LSM14A: variants seen among roughly 807,000 people sequenced by gnomAD.
LSM14A encodes protein LSM14 homolog A.
A neutral mutation model predicts 52.4 loss-of-function variants in LSM14A; 14 were observed. The observed-to-expected ratio is 0.27, with a 90% CI of 0.18 to 0.42. The LOEUF (loss-of-function observed/expected upper bound fraction) is 0.42, where lower values mean the gene tolerates loss of function less well. Ranked by LOEUF, LSM14A falls within the 10% of genes least tolerant of loss-of-function variation. LSM14A has a pLI of 1.00. For missense variants in LSM14A, 417 were observed against 581.8 expected (o/e 0.72, Z 2.91); for synonymous variants, 185 against 200.3 (o/e 0.92, Z 0.64).
At chr19:34,174,767 G>T (rs1028832472) in intron 1 of LSM14A, among the ~76,000 whole-genome samples, 1 of 152,076 alleles carries the variant, frequency 6.6e-6, no homozygotes, top group Admixed American at 6.6e-5. Context: ...AGCCAGATAT[G>T]GGTTGAAAAT....
Position 34,196,782 on chromosome 19 carries a change from T to G in LSM14A, c.415+19T>G. ...GGTGTTGGTATGTTTTCTTTTTCTT[T>G]TCTTTTTTTGTTTTTGTATTCTTCC... On this transcript the variant is annotated intron_variant, in intron 3 of 9. Transcript: ENST00000544216. 5 of 1,583,314 alleles carry G rather than the reference T, an allele frequency of 3.2e-6. No individual in the cohort carries two copies. The highest frequency in any genetic ancestry group is 4.3e-6 in the Non-Finnish European group (5 of 1,172,142).
chr19:34,210,722 A>G (rs1367868081), intron 4 of LSM14A, among the ~76,000 whole-genome samples: 1 of 151,642 alleles, frequency 6.6e-6, no homozygotes, highest in Non-Finnish European at 1.5e-5. Flanking sequence ...CAATTAGCTG[A>G]GATCACAAGC....
chr19:34,210,338 C>T lies in LSM14A; in HGVS notation c.538+1287C>T, dbSNP rs779231835. ...AGACTGGAGTGCAGTGGCACAATCTCGGCTCACTGCAACCTCCACCTCCCA... is the reference window on the plus strand; with the variant it reads ...AGACTGGAGTGCAGTGGCACAATCTTGGCTCACTGCAACCTCCACCTCCCA... On this transcript the variant is annotated intron_variant, in intron 4 of 9. Coordinates refer to ENST00000544216, the MANE Select transcript of LSM14A (RefSeq NM_015578.4). Among the ~76,000 whole-genome samples the T allele has an allele frequency of 3.3e-5, 5 of 150,572 alleles. No individual in the cohort carries two copies. The South Asian group carries it at 6.3e-4, about 19-fold the overall frequency.
chr19:34,197,108 T>A (rs1227050804), intron 3 of LSM14A, among the ~76,000 whole-genome samples: 2 of 152,112 alleles, frequency 1.3e-5, no homozygotes, highest in African/African-American at 4.8e-5. Flanking sequence ...TTGTTTTTTT[T>A]AAAGACAAAG....
intron 2 of LSM14A, among the ~76,000 whole-genome samples, chr19:34,195,482 A>G (rs564386985): frequency 4.6e-5 from 7 of 152,234 alleles, no homozygotes; most frequent in African/African-American, 1.7e-4. Flanking sequence ...CTGGCCTGCA[A>G]TGTTATATAA....
Position 34,215,296 on chromosome 19 carries a change from G to A in LSM14A, c.711G>A (p.Arg237=), listed in dbSNP as rs138472295. 8 of 1,610,560 alleles carry A rather than the reference G, an allele frequency of 5.0e-6. No homozygotes were observed. Among genetic ancestry groups the A allele is most frequent in the South Asian group, 3.3e-5 (3 of 90,490 alleles). The change falls in exon 5 of 10, where the codon AGG becomes AGA. Residue 237 remains arginine, a synonymous_variant. Transcript: ENST00000544216. Reference sequence around the variant, plus strand: ...AGGCAGGAGAGAATCAGGAGCACAGGCGAGGTAGAACTTTAGCTGTTTACT... The same window carrying A: ...AGGCAGGAGAGAATCAGGAGCACAGACGAGGTAGAACTTTAGCTGTTTACT... ...SQKAGENQEH[R]RAEVHKVSRP...
At chr19:34,224,658 A>T (rs545418836) in intron 9 of LSM14A, among the ~76,000 whole-genome samples, 1 of 152,110 alleles carries the variant, frequency 6.6e-6, no homozygotes, top group Admixed American at 6.6e-5. Context: ...TTGTGTGAGG[A>T]TCCCACTTGA....
chr19:34,172,904 C>T (rs1012624799), intron 1 of LSM14A, 141 bp downstream of exon 1: 33 of 1,049,478 alleles, frequency 3.1e-5, no homozygotes, highest in Non-Finnish European at 4.1e-5. Flanking sequence ...CTCCGGGCCC[C>T]GGCGTCGCGG....
intron 8 of LSM14A, among the ~76,000 whole-genome samples, chr19:34,220,629 C>A (rs1245395675): frequency 2.6e-5 from 4 of 152,200 alleles, no homozygotes; most frequent in African/African-American, 9.6e-5. Flanking sequence ...TGTCATTGTC[C>A]TTGTCCTTTT....
At chr19:34,214,458 G>A (rs769781072) in intron 4 of LSM14A, among the ~76,000 whole-genome samples, 9 of 151,842 alleles carry the variant, frequency 5.9e-5, no homozygotes, top group Admixed American at 1.3e-4. Context: ...ACAGGCACGC[G>A]CCACCACGCC....
intron 1 of LSM14A, among the ~76,000 whole-genome samples, chr19:34,186,908 A>G (rs1162047984): frequency 6.6e-6 from 1 of 152,094 alleles, no homozygotes; most frequent in Non-Finnish European, 1.5e-5. Flanking sequence ...CTTTTCAGTT[A>G]ACATTAGAGT....
chr19:34,196,083 A>G (rs2070814538), intron 2 of LSM14A, among the ~76,000 whole-genome samples: 2 of 152,280 alleles, frequency 1.3e-5, no homozygotes, highest in Admixed American at 1.3e-4. Context: ...ATGTATTAAT[A>G]TATGTTATAT....
intron 1 of LSM14A, among the ~76,000 whole-genome samples, chr19:34,173,768 AG>A (rs1246500993): frequency 6.6e-6 from 1 of 152,202 alleles, no homozygotes; most frequent in Non-Finnish European, 1.5e-5. Flanking sequence ...CTTCTGGTAG[AG>A]GTGGGAACTG....
chr19:34,173,509 G>A (rs1364044224), intron 1 of LSM14A, among the ~76,000 whole-genome samples: 3 of 152,158 alleles, frequency 2.0e-5, no homozygotes, highest in Non-Finnish European at 4.4e-5. Flanking sequence ...AGTGGGCGTT[G>A]ACTGATCCCT....
intron 9 of LSM14A, among the ~76,000 whole-genome samples, chr19:34,224,376 C>G (rs1344466785): frequency 1.3e-5 from 2 of 152,178 alleles, no homozygotes; most frequent in African/African-American, 4.8e-5. Flanking sequence ...TGTGTGTGCT[C>G]CATGTGGTTA....
intron 1 of LSM14A, among the ~76,000 whole-genome samples, chr19:34,184,253 A>G (rs1459204711): frequency 1.3e-5 from 2 of 152,018 alleles, no homozygotes; most frequent in African/African-American, 4.8e-5. Context: ...GGGTTTCACC[A>G]TGTTGGCCAG....
At chr19:34,197,247 C>T (rs2070912305) in intron 3 of LSM14A, among the ~76,000 whole-genome samples, 1 of 151,854 alleles carries the variant, frequency 6.6e-6, no homozygotes, top group Admixed American at 6.6e-5. Flanking sequence ...TGCATCACCA[C>T]ACCCAGCTAA....
At chr19:34,198,298 A>G (rs35873065) in intron 3 of LSM14A, among the ~76,000 whole-genome samples, 20,163 of 131,808 alleles carry the variant, frequency 0.15, 1,626 homozygotes, top group Middle Eastern at 0.28. Flanking sequence ...ACAAAATAAC[A>G]AAGAATGGCA....
chr19:34,219,582 T>C lies in LSM14A; in HGVS notation c.964+9T>C. 2.5e-6 allele frequency: 4 copies of C among 1,598,848 alleles called. No individual in the cohort carries two copies. Among genetic ancestry groups the C allele is most frequent in the Non-Finnish European group, 3.4e-6 (4 of 1,170,890 alleles). ...TAAACTTAAATTAAAAGGTAAGCTTTGATTTTTCTTTTCAGAAAATAATCT... is the reference window on the plus strand; with the variant it reads ...TAAACTTAAATTAAAAGGTAAGCTTCGATTTTTCTTTTCAGAAAATAATCT... On this transcript the variant is annotated intron_variant, in intron 7 of 9. Transcript: ENST00000544216.
Sources: gnomAD v4.1 joint callset for allele counts (sites outside exome capture counted in the v4.1 genomes callset) on GRCh38, gnomAD v4.1.1 for gene constraint, MANE v1.5 for transcripts, NCBI Gene and HGNC (gene_info 2026-07-23, HGNC 2026-07-21) for gene names.